The following TENM3 variants were observed in gnomAD, a reference collection of about 807,000 sequenced individuals.
TENM3 encodes the protein teneurin transmembrane protein 3.
Under a neutral mutation model 255.1 loss-of-function variants are expected in TENM3, and 63 were observed. That is an observed-to-expected ratio of 0.25 (90% CI 0.20 to 0.30). The LOEUF (loss-of-function observed/expected upper bound fraction) is 0.30. TENM3 is among the 10% of genes least tolerant of loss of function. The pLI, the probability that TENM3 is intolerant of heterozygous loss-of-function variation, is 1.00. For synonymous variants in TENM3, 1,306 were observed against 1,322.3 expected (o/e 0.99, Z 0.27); for missense variants, 2,929 against 3,461.1 (o/e 0.85, Z 3.86).
the TENM3 span, among the ~76,000 whole-genome samples, chr4:182,132,695 T>C: frequency 6.6e-6 from 1 of 152,204 alleles, no homozygotes; most frequent in Non-Finnish European, 1.5e-5. Flanking sequence ...TGTATATGTG[T>C]TCTTAAGAGG....
At chr4:181,805,835 G>A in the TENM3 span, among the ~76,000 whole-genome samples, 1 of 152,044 alleles carries the variant, frequency 6.6e-6, no homozygotes, top group Admixed American at 6.6e-5. Context: ...TTGTATTGAT[G>A]ACACGTATAT....
chr4:181,498,073 T>C, the TENM3 span, among the ~76,000 whole-genome samples: 3 of 152,160 alleles, frequency 2.0e-5, no homozygotes, highest in Non-Finnish European at 4.4e-5. Flanking sequence ...TTATAGGTGA[T>C]ATATAACTGT....
At chr4:182,407,256 G>A (rs1326867049) in intron 3 of TENM3, among the ~76,000 whole-genome samples, 2 of 152,122 alleles carry the variant, frequency 1.3e-5, no homozygotes, top group South Asian at 4.1e-4. Flanking sequence ...TATCATTTTG[G>A]AAAACCAATT....
intron 5 of TENM3, 112 bp downstream of exon 5, chr4:182,629,001 G>A: frequency 1.4e-6 from 1 of 704,376 alleles, no homozygotes; most frequent in Non-Finnish European, 2.3e-6. Context: ...ATATTTGGTG[G>A]GGGTGAGTTT....
chr4:182,679,978 G>A, intron 8 of TENM3, 102 bp downstream of exon 8: 3 of 1,017,056 alleles, frequency 2.9e-6, no homozygotes, highest in Middle Eastern at 2.6e-4. Context: ...TTCCTAGGGT[G>A]TTAAAGCCCA....
chr4:182,328,009 A>G (rs1329294696), intron 2 of TENM3, among the ~76,000 whole-genome samples: 1 of 152,220 alleles, frequency 6.6e-6, no homozygotes, highest in African/African-American at 2.4e-5. Context: ...GTGAACCTTG[A>G]AAAGAGACGA....
intron 13 of TENM3, among the ~76,000 whole-genome samples, chr4:182,722,876 A>G (rs1759857481): frequency 6.6e-6 from 1 of 152,160 alleles, no homozygotes; most frequent in Admixed American, 6.5e-5. Flanking sequence ...TTTGAGATGA[A>G]GAAAAGAAGC....
At chr4:181,896,317 C>G in the TENM3 span, among the ~76,000 whole-genome samples, 3 of 152,128 alleles carry the variant, frequency 2.0e-5, no homozygotes, top group African/African-American at 7.2e-5. Flanking sequence ...TTCTAGACTT[C>G]CATTCTGTTG....
chr4:181,605,589 GAAAGAAAGAAAGAAAGAAAGAAAGAAAA>G, the TENM3 span, among the ~76,000 whole-genome samples: 3 of 35,770 alleles, frequency 8.4e-5, no homozygotes, highest in South Asian at 1.9e-3. Flanking sequence ...AGAAAGGAAA[GAAAGAAAGAAAGAAAGAAAGAAAGAAAA>G]GAAAGAACAA....
chr4:182,376,229 G>A (rs1412045190), intron 3 of TENM3, among the ~76,000 whole-genome samples: 1 of 152,152 alleles, frequency 6.6e-6, no homozygotes, highest in African/African-American at 2.4e-5. Context: ...AATTCTAACA[G>A]TTCTCCCCTG....
At chr4:181,906,565 G>A in the TENM3 span, 3 of 152,250 alleles carry the variant, frequency 2.0e-5, no homozygotes, top group African/African-American at 7.2e-5. Context: ...CAGTTAAGAA[G>A]TAAGTGACGA....
the TENM3 span, among the ~76,000 whole-genome samples, chr4:181,861,041 T>C: frequency 6.6e-6 from 1 of 152,186 alleles, no homozygotes; most frequent in Non-Finnish European, 1.5e-5. Flanking sequence ...TAAACAATCC[T>C]GGGGAAAAAC....
the TENM3 span, among the ~76,000 whole-genome samples, chr4:181,967,355 G>A: frequency 6.6e-6 from 1 of 152,098 alleles, no homozygotes; most frequent in Non-Finnish European, 1.5e-5. Context: ...TATTTTTCAG[G>A]ATTTTCACGG....
the TENM3 span, among the ~76,000 whole-genome samples, chr4:181,854,013 G>A: frequency 6.6e-6 from 1 of 152,214 alleles, no homozygotes; most frequent in Non-Finnish European, 1.5e-5. Flanking sequence ...ACAGTTGGAA[G>A]TATAACACAA....
intron 1 of TENM3, among the ~76,000 whole-genome samples, chr4:182,279,694 CT>C (rs2150262491): frequency 1.3e-5 from 2 of 152,290 alleles, no homozygotes; most frequent in South Asian, 4.1e-4. Flanking sequence ...AGATTCTTCT[CT>C]TGTTCTGTCG....
At chr4:182,101,106 G>A in the TENM3 span, among the ~76,000 whole-genome samples, 1 of 34,676 alleles carries the variant, frequency 2.9e-5, no homozygotes, top group African/African-American at 1.5e-4. Flanking sequence ...GAGGGAGGGA[G>A]GAAGGAAAGA....
At chr4:182,419,276 T>C (rs1218069361) in intron 3 of TENM3, among the ~76,000 whole-genome samples, 1 of 152,110 alleles carries the variant, frequency 6.6e-6, no homozygotes, top group Non-Finnish European at 1.5e-5. Context: ...AAAATGCTCA[T>C]CATCACTGGC....
chr4:181,667,619 C>A, the TENM3 span, among the ~76,000 whole-genome samples: 1 of 152,136 alleles, frequency 6.6e-6, no homozygotes, highest in African/African-American at 2.4e-5. Context: ...CTTTCTCTTG[C>A]CCTTTCACCT....
intron 5 of TENM3, among the ~76,000 whole-genome samples, chr4:182,649,417 C>T (rs1392131653): frequency 1.3e-5 from 2 of 150,318 alleles, no homozygotes; most frequent in African/African-American, 4.8e-5. Context: ...TTCATTCTGC[C>T]TTGGATAACA....
Sources: allele counts gnomAD v4.1 joint callset (sites outside exome capture counted in the v4.1 genomes callset), GRCh38; gene constraint gnomAD v4.1.1; transcripts MANE v1.5; gene names NCBI Gene and HGNC (gene_info 2026-07-23, HGNC 2026-07-21).